PTPRD: variants seen among roughly 807,000 people sequenced by gnomAD.
PTPRD encodes protein tyrosine phosphatase receptor type D, also known as receptor-type tyrosine-protein phosphatase delta.
PTPRD carries 34 observed loss-of-function variants against 214.5 expected under a neutral mutation model. That is an observed-to-expected ratio of 0.16 (90% CI 0.12 to 0.21). The LOEUF (loss-of-function observed/expected upper bound fraction) is 0.21. PTPRD is among the 10% of genes least tolerant of loss of function. The pLI is 1.00. For synonymous variants in PTPRD, 1,128 were observed against 845.7 expected, an observed-to-expected ratio of 1.33 and a Z score of -5.79; for missense variants, 2,545 against 2,398.7, an observed-to-expected ratio of 1.06 and a Z score of -1.27.
At chr9:9,844,191 A>C (rs1354190943) in intron 5 of PTPRD, among the ~76,000 whole-genome samples, 3 of 151,984 alleles carry the variant, frequency 2.0e-5, no homozygotes, top group Non-Finnish European at 4.4e-5. Context: ...TTGAATTAAA[A>C]TTTTAATTGA....
chr9:10,324,957 C>T (rs1404690548), intron 3 of PTPRD, among the ~76,000 whole-genome samples: 2 of 151,874 alleles, frequency 1.3e-5, no homozygotes, highest in African/African-American at 4.8e-5. Flanking sequence ...AATGTACTTT[C>T]CTATACTTTA....
chr9:9,091,077 T>C (rs1260961724), intron 10 of PTPRD: 7 of 1,467,700 alleles, frequency 4.8e-6, no homozygotes. Flanking sequence ...GCGTCTTCGA[T>C]GCCTATGTGC....
At chr9:9,666,620 T>A (rs1040196544) in intron 7 of PTPRD, among the ~76,000 whole-genome samples, 3 of 151,990 alleles carry the variant, frequency 2.0e-5, no homozygotes, top group African/African-American at 4.8e-5. Flanking sequence ...AGTTGGCAAA[T>A]TGTATCGATT....
At chr9:10,320,628 C>T (rs963811799) in intron 3 of PTPRD, among the ~76,000 whole-genome samples, 3 of 152,010 alleles carry the variant, frequency 2.0e-5, no homozygotes, top group African/African-American at 7.2e-5. Flanking sequence ...TTAATGACAT[C>T]ATTAAAATTC....
intron 11 of PTPRD, among the ~76,000 whole-genome samples, chr9:8,765,006 T>G (rs1362924856): frequency 6.6e-6 from 1 of 152,168 alleles, no homozygotes; most frequent in African/African-American, 2.4e-5. Context: ...AACACTGTTC[T>G]GCTCTATTAA....
At chr9:10,212,371 T>A (rs758038877) in intron 3 of PTPRD, among the ~76,000 whole-genome samples, 5 of 152,106 alleles carry the variant, frequency 3.3e-5, no homozygotes, top group Non-Finnish European at 7.4e-5. Context: ...ATATAATAAG[T>A]AAATTATGAA....
At chr9:9,042,625 T>C (rs905257511) in intron 10 of PTPRD, among the ~76,000 whole-genome samples, 5 of 150,396 alleles carry the variant, frequency 3.3e-5, no homozygotes, top group African/African-American at 1.2e-4. Context: ...TTTTCTTTTT[T>C]TTTTTTTTTG....
intron 8 of PTPRD, among the ~76,000 whole-genome samples, chr9:9,485,815 A>T (rs1340198095): frequency 1.3e-5 from 2 of 151,958 alleles, no homozygotes; most frequent in Non-Finnish European, 2.9e-5. Flanking sequence ...CACTTTCTCC[A>T]CTAGACCCTT....
At chr9:9,856,458 C>CAA (rs1439967430) in intron 5 of PTPRD, among the ~76,000 whole-genome samples, 1 of 151,966 alleles carries the variant, frequency 6.6e-6, no homozygotes, top group African/African-American at 2.4e-5. Context: ...AGTACAGTAA[C>CAA]AAAAAGAAAT....
intron 10 of PTPRD, among the ~76,000 whole-genome samples, chr9:9,123,792 C>T (rs1370645123): frequency 2.0e-5 from 3 of 152,066 alleles, no homozygotes; most frequent in African/African-American, 7.2e-5. Flanking sequence ...AAAGTCATCA[C>T]ATGCAAATTT....
At chr9:9,451,282 A>G (rs1010795310) in intron 8 of PTPRD, among the ~76,000 whole-genome samples, 5 of 151,836 alleles carry the variant, frequency 3.3e-5, no homozygotes, top group Non-Finnish European at 7.4e-5. Context: ...TTTAAAGAGA[A>G]ATAAACACAA....
At chr9:8,925,530 A>T (rs199982218) in intron 11 of PTPRD, among the ~76,000 whole-genome samples, 1 of 148,922 alleles carries the variant, frequency 6.7e-6, no homozygotes, top group African/African-American at 2.4e-5. Context: ...CAAACAAAAA[A>T]AACCAACTAC....
intron 2 of PTPRD, among the ~76,000 whole-genome samples, chr9:10,453,305 T>A (rs74716613): frequency 0.011 from 1,598 of 151,752 alleles, 35 homozygotes; most frequent in African/African-American, 0.036. Context: ...TCATGAGATT[T>A]TGTGGTTCCA....
At chr9:8,378,151 C>T (rs916857560) in intron 37 of PTPRD, among the ~76,000 whole-genome samples, 1 of 151,966 alleles carries the variant, frequency 6.6e-6, no homozygotes, top group Non-Finnish European at 1.5e-5. Context: ...AAAATTTTGC[C>T]TTAATAAGAT....
chr9:9,171,737 T>G (rs1018294747), intron 10 of PTPRD, among the ~76,000 whole-genome samples: 1 of 152,020 alleles, frequency 6.6e-6, no homozygotes, highest in African/African-American at 2.4e-5. Flanking sequence ...GATTATTTTA[T>G]ATATATATGA....
At chr9:10,479,376 G>C (rs1953594) in intron 2 of PTPRD, among the ~76,000 whole-genome samples, 1 of 151,900 alleles carries the variant, frequency 6.6e-6, no homozygotes, top group Non-Finnish European at 1.5e-5. Context: ...GGAGATGCTT[G>C]TAATACATCA....
intron 2 of PTPRD, among the ~76,000 whole-genome samples, chr9:10,533,455 T>G (rs912338728): frequency 3.9e-5 from 6 of 152,012 alleles, no homozygotes; most frequent in Admixed American, 3.9e-4. Context: ...AATCATAGAG[T>G]GGGTATATAC....
At chr9:8,903,259 G>C (rs1342679297) in intron 11 of PTPRD, among the ~76,000 whole-genome samples, 1 of 152,046 alleles carries the variant, frequency 6.6e-6, no homozygotes, top group East Asian at 1.9e-4. Flanking sequence ...TCATCTCCCA[G>C]GTACTGAGCA....
chr9:8,706,162 A>G (rs963326990), intron 12 of PTPRD, among the ~76,000 whole-genome samples: 30 of 152,190 alleles, frequency 2.0e-4, no homozygotes, highest in Admixed American at 8.5e-4. Flanking sequence ...ACATTATAAG[A>G]AAGAACACTG....
Sources: allele counts gnomAD v4.1 joint callset (sites outside exome capture counted in the v4.1 genomes callset), GRCh38; gene constraint gnomAD v4.1.1; transcripts MANE v1.5; gene names NCBI Gene and HGNC (gene_info 2026-07-23, HGNC 2026-07-21).